Variants in DIAPH2 observed in about 807,000 individuals in gnomAD.
DIAPH2 encodes protein diaphanous homolog 2.
DIAPH2 carries 35 observed loss-of-function variants against 92.7 expected under a neutral mutation model. The ratio of observed to expected loss-of-function variants is 0.38; its 90% CI spans 0.29 to 0.50. The LOEUF (loss-of-function observed/expected upper bound fraction) is 0.50, where lower values mean the gene tolerates loss of function less well. Ranked by LOEUF, DIAPH2 falls within the 20% of genes least tolerant of loss-of-function variation. DIAPH2 has a pLI of 0.94. For synonymous variants in DIAPH2, 301 were observed against 280.4 expected (o/e 1.07, Z -0.73); for missense variants, 701 against 819.5 (o/e 0.86, Z 1.77).
chrX:97,076,011 G>T (rs1351158085), intron 19 of DIAPH2, among the ~76,000 whole-genome samples: 1 of 111,479 alleles, frequency 9.0e-6, no homozygotes, highest in African/African-American at 3.3e-5. Flanking sequence ...GAAATTACAG[G>T]GTCATTGTGA....
At chrX:97,249,020 G>A (rs757349571) in intron 23 of DIAPH2, among the ~76,000 whole-genome samples, 1 of 110,079 alleles carries the variant, frequency 9.1e-6, no homozygotes, top group Non-Finnish European at 1.9e-5. Context: ...TACTGGCCAC[G>A]TTAGGATACC....
chrX:96,973,196 A>G (rs1439542736), intron 17 of DIAPH2, among the ~76,000 whole-genome samples: 6 of 111,978 alleles, frequency 5.4e-5, no homozygotes, highest in African/African-American at 1.9e-4. Context: ...AAATATTTGA[A>G]AAAAATTAAA....
At chrX:97,551,451 G>A (rs1016657063) in intron 26 of DIAPH2, among the ~76,000 whole-genome samples, 11 of 109,321 alleles carry the variant, frequency 1.0e-4, no homozygotes, top group South Asian at 4.1e-4. Context: ...TTAGCTGGGC[G>A]TGGTGGCGCA....
intron 26 of DIAPH2, among the ~76,000 whole-genome samples, chrX:97,552,442 A>G (rs1440491178): frequency 8.9e-6 from 1 of 111,977 alleles, no homozygotes; most frequent in African/African-American, 3.2e-5. Flanking sequence ...GCTAAATTGT[A>G]TTTGAGAATA....
intron 22 of DIAPH2, 106 bp from the exon 23 acceptor site, chrX:97,247,609 A>ACTCT: frequency 1.4e-6 from 1 of 721,881 alleles, no homozygotes. Context: ...TCATGGAACT[A>ACTCT]TTTCCCACAT....
intron 4 of DIAPH2, among the ~76,000 whole-genome samples, chrX:96,861,645 A>G (rs2065073114): frequency 9.0e-6 from 1 of 111,672 alleles, no homozygotes; most frequent in Admixed American, 9.5e-5. Context: ...AAAAATCCTC[A>G]GTGATTTCAC....
In DIAPH2 at chrX:97,604,578, T is replaced by TTGA. The variant is rs1162912052; in HGVS notation, c.*5263_*5265dup. ...ATGGACAGGCTATTCTAAATTTTGG[T>TTGA]TGATACTTTTGCTACTATGGGCAAT... On this transcript the variant is annotated 3_prime_UTR_variant, in exon 27 of 27. Coordinates refer to ENST00000324765, the MANE Select transcript of DIAPH2 (RefSeq NM_006729.5). 8.9e-6 allele frequency: 1 copy of TTGA among 112,269 alleles called. No individual in the cohort carries two copies. The highest frequency in any genetic ancestry group is 2.8e-4 in the East Asian group (1 of 3,590). 9.3% of individuals were successfully genotyped at this position (112,269 alleles called of 1,213,427 possible).
chrX:97,556,894 A>C (rs2071261148), intron 26 of DIAPH2, among the ~76,000 whole-genome samples: 1 of 111,901 alleles, frequency 8.9e-6, no homozygotes, highest in African/African-American at 3.3e-5. Flanking sequence ...CACAAATATT[A>C]AATTATATGT....
chrX:96,772,745 T>G (rs746516197), intron 4 of DIAPH2, among the ~76,000 whole-genome samples: 3 of 112,597 alleles, frequency 2.7e-5, no homozygotes, highest in South Asian at 7.3e-4. Flanking sequence ...TCAAAGATAT[T>G]AAAAGCATTT....
At chrX:97,018,899 C>T (rs1353112900) in intron 17 of DIAPH2, among the ~76,000 whole-genome samples, 2 of 111,635 alleles carry the variant, frequency 1.8e-5, no homozygotes, top group Admixed American at 9.5e-5. Context: ...CCGTGCCCTA[C>T]CTATTCATGC....
At chrX:96,977,969 C>T (rs1355235985) in intron 17 of DIAPH2, among the ~76,000 whole-genome samples, 2 of 112,099 alleles carry the variant, frequency 1.8e-5, no homozygotes, top group Non-Finnish European at 1.9e-5. Flanking sequence ...CAGGCGTGAG[C>T]CACCGCGCCT....
intron 4 of DIAPH2, among the ~76,000 whole-genome samples, chrX:96,764,638 C>T (rs775508616): frequency 6.9e-4 from 77 of 111,650 alleles, no homozygotes; most frequent in African/African-American, 2.5e-3. Context: ...TTTTGTCCTG[C>T]TCCAGGAAGA....
At chrX:97,575,388 T>C (rs1181076602) in intron 26 of DIAPH2, among the ~76,000 whole-genome samples, 1 of 112,397 alleles carries the variant, frequency 8.9e-6, no homozygotes, top group African/African-American at 3.2e-5. Flanking sequence ...TGGTGTGTGT[T>C]TGTCTCCAAA....
chrX:97,102,270 T>C (rs1422497031), intron 20 of DIAPH2, among the ~76,000 whole-genome samples: 1 of 111,564 alleles, frequency 9.0e-6, no homozygotes, highest in Non-Finnish European at 1.9e-5. Context: ...CATTTTTCCA[T>C]AGTGGCCATA....
intron 23 of DIAPH2, among the ~76,000 whole-genome samples, chrX:97,286,153 G>A (rs926959624): frequency 1.9e-5 from 2 of 104,846 alleles, no homozygotes; most frequent in Non-Finnish European, 3.9e-5. Context: ...CAATTCTCCC[G>A]CCTCAGCCTC....
intron 26 of DIAPH2, among the ~76,000 whole-genome samples, chrX:97,441,441 T>C (rs761516751): frequency 8.9e-6 from 1 of 111,955 alleles, no homozygotes; most frequent in African/African-American, 3.2e-5. Context: ...TTCATATGAA[T>C]CTTCTGATGA....
intron 26 of DIAPH2, chrX:97,564,328 C>CTGCT (rs1461737534): frequency 1.8e-5 from 2 of 112,400 alleles, no homozygotes; most frequent in African/African-American, 6.5e-5. Flanking sequence ...TCTGTTCAGG[C>CTGCT]TGCTCTACCT....
At chrX:96,936,235 T>G (rs2065656666) in intron 10 of DIAPH2, among the ~76,000 whole-genome samples, 1 of 112,006 alleles carries the variant, frequency 8.9e-6, no homozygotes, top group African/African-American at 3.2e-5. Flanking sequence ...ATCTAGAAAT[T>G]GCTGAAATTT....
intron 26 of DIAPH2, among the ~76,000 whole-genome samples, chrX:97,533,888 CT>C (rs2071077830): frequency 9.0e-6 from 1 of 111,391 alleles, no homozygotes. Context: ...CGTTGATTTC[CT>C]TTGACAATGT....
Sources: allele counts gnomAD v4.1 joint callset (sites outside exome capture counted in the v4.1 genomes callset), GRCh38; gene constraint gnomAD v4.1.1; transcripts MANE v1.5; gene names NCBI Gene and HGNC (gene_info 2026-07-23, HGNC 2026-07-21).